The following TRPC5 variants were observed in gnomAD, a reference collection of about 807,000 sequenced individuals.
The protein encoded by TRPC5 is transient receptor potential cation channel subfamily C member 5, also known as short transient receptor potential channel 5.
Under a neutral mutation model 56.5 loss-of-function variants are expected in TRPC5, and 9 were observed. The ratio of observed to expected loss-of-function variants is 0.16; its 90% CI spans 0.10 to 0.28. The LOEUF (loss-of-function observed/expected upper bound fraction) is 0.28, where lower values mean the gene tolerates loss of function less well. Among genes scored for constraint, TRPC5 ranks in the 10% least tolerant of loss-of-function variants. The pLI, the probability that TRPC5 is intolerant of heterozygous loss-of-function variation, is 1.00. For synonymous variants in TRPC5, 282 were observed against 278.5 expected (o/e 1.01, Z -0.13); for missense variants, 469 against 748.9 (o/e 0.63, Z 4.36).
intron 1 of TRPC5, among the ~76,000 whole-genome samples, chrX:112,058,496 C>CAG (rs10690669): frequency 0.14 from 15,998 of 111,437 alleles, 1,535 homozygotes; most frequent in African/African-American, 0.35. Flanking sequence ...CAAGAAATAG[C>CAG]AGAGGAAAGC....
intron 3 of TRPC5, among the ~76,000 whole-genome samples, chrX:111,858,800 C>A (rs1034993830): frequency 9.0e-6 from 1 of 111,680 alleles, no homozygotes; most frequent in East Asian, 2.8e-4. Flanking sequence ...TGTGCCCCAG[C>A]CTTCTTATCT....
intron 3 of TRPC5, among the ~76,000 whole-genome samples, chrX:111,861,468 A>G (rs770100291): frequency 8.9e-6 from 1 of 111,928 alleles, no homozygotes; most frequent in Non-Finnish European, 1.9e-5. Context: ...GTACATTTTT[A>G]TGCCTTCTTA....
chrX:112,043,936 A>T (rs1263554849), intron 1 of TRPC5, among the ~76,000 whole-genome samples: 6 of 110,319 alleles, frequency 5.4e-5, no homozygotes, highest in Non-Finnish European at 1.1e-4. Flanking sequence ...TCTCAGGATA[A>T]GACAAAACTT....
intron 8 of TRPC5, 125 bp from the exon 9 acceptor site, chrX:111,781,331 C>T (rs757492436): frequency 3.9e-5 from 22 of 558,045 alleles, no homozygotes; most frequent in Non-Finnish European, 6.5e-5. Context: ...TCCTGCCTGA[C>T]AAATCCCCAA....
At chrX:111,951,911 T>G in intron 2 of TRPC5, 132 bp downstream of exon 2, 85 of 963,821 alleles carry the variant, frequency 8.8e-5, no homozygotes, top group Non-Finnish European at 1.1e-4. Context: ...GGATGCTACC[T>G]GAGATCACTG....
At chrX:111,872,579 G>T (rs566442850) in intron 3 of TRPC5, among the ~76,000 whole-genome samples, 1 of 111,844 alleles carries the variant, frequency 8.9e-6, no homozygotes, top group East Asian at 2.8e-4. Context: ...ATTGCAGGAG[G>T]TATGGCTTTT....
intron 1 of TRPC5, among the ~76,000 whole-genome samples, chrX:111,962,713 T>A (rs1486089475): frequency 4.4e-5 from 5 of 112,495 alleles, no homozygotes; most frequent in Non-Finnish European, 9.4e-5. Context: ...ATTCCAAAAC[T>A]GAAAGAAGTT....
At chrX:111,779,124 A>C in intron 9 of TRPC5, 50 bp from the exon 10 acceptor site, 4 of 911,294 alleles carry the variant, frequency 4.4e-6, no homozygotes, top group Non-Finnish European at 6.2e-6. Flanking sequence ...TCAGGCTCTC[A>C]GTACAGTAAG....
At chrX:111,880,104 A>G (rs1924141168) in intron 3 of TRPC5, among the ~76,000 whole-genome samples, 2 of 110,872 alleles carry the variant, frequency 1.8e-5, no homozygotes, top group South Asian at 3.8e-4. Context: ...TTTTTTAACC[A>G]CATGGCTATT....
intron 3 of TRPC5, among the ~76,000 whole-genome samples, chrX:111,867,193 A>C (rs1467827691): frequency 8.9e-6 from 1 of 112,088 alleles, no homozygotes; most frequent in Non-Finnish European, 1.9e-5. Context: ...CCAAATCAGG[A>C]GATTGTTTTG....
intron 1 of TRPC5, among the ~76,000 whole-genome samples, chrX:111,999,714 C>T (rs992507543): frequency 1.8e-5 from 2 of 111,814 alleles, no homozygotes; most frequent in African/African-American, 6.5e-5. Flanking sequence ...GCCTGTAATC[C>T]CGGTACTTTG....
intron 2 of TRPC5, among the ~76,000 whole-genome samples, chrX:111,933,168 A>T (rs981039805): frequency 1.8e-5 from 2 of 112,120 alleles, no homozygotes; most frequent in African/African-American, 6.5e-5. Flanking sequence ...TAGCATATGG[A>T]AATAAATCAG....
intron 7 of TRPC5, among the ~76,000 whole-genome samples, chrX:111,825,484 C>T (rs1922205191): frequency 1.8e-5 from 2 of 109,364 alleles, no homozygotes; most frequent in South Asian, 3.9e-4. Flanking sequence ...ACTTGAATTC[C>T]TGGTCTCAAG....
chrX:111,831,720 G>A (rs1922413034), intron 7 of TRPC5, among the ~76,000 whole-genome samples: 1 of 111,705 alleles, frequency 9.0e-6, no homozygotes, highest in African/African-American at 3.3e-5. Flanking sequence ...AGAAACCAAG[G>A]GTTCTTACTA....
At chrX:112,001,905 G>T (rs1039511950) in intron 1 of TRPC5, among the ~76,000 whole-genome samples, 1 of 112,070 alleles carries the variant, frequency 8.9e-6, no homozygotes, top group Admixed American at 9.5e-5. Flanking sequence ...ATGAATCCTT[G>T]ATTTCTTTTC....
At position 111,852,410 on chromosome X, in the gene TRPC5, A is replaced by G; in HGVS notation, c.1265T>C (p.Met422Thr). The change falls in exon 5 of 11, where the codon ATG becomes ACG. Residue 422 changes from methionine (M) to threonine (T), a missense_variant. Coordinates refer to ENST00000262839, the MANE Select transcript of TRPC5 (RefSeq NM_012471.3). ...LGFIWGEIKEMWDGGFTEYIH... is the reference protein window; with the variant it reads ...LGFIWGEIKETWDGGFTEYIH... ...GTATTCAGTAAATCCACCATCCCAC[A>G]TTTCCTTAATCTCACCCCAAATGAA... 8.3e-7 allele frequency: 1 copy of G among 1,209,530 alleles called. No individual in the cohort carries two copies. The highest frequency in any genetic ancestry group is 1.1e-6 in the Non-Finnish European group (1 of 894,560).
intron 7 of TRPC5, among the ~76,000 whole-genome samples, chrX:111,782,483 A>C (rs1945927285): frequency 9.0e-6 from 1 of 111,428 alleles, no homozygotes; most frequent in Non-Finnish European, 1.9e-5. Flanking sequence ...AGATCCATAA[A>C]CATTATAGAT....
At chrX:111,849,950 A>G (rs1923037731) in intron 5 of TRPC5, among the ~76,000 whole-genome samples, 1 of 112,312 alleles carries the variant, frequency 8.9e-6, no homozygotes, top group Admixed American at 9.5e-5. Context: ...GAATGCAGTT[A>G]GAAAATTGGC....
chrX:111,772,835 A>G lies in TRPC5; in HGVS notation c.*3478T>C, dbSNP rs1945851127. Among the ~76,000 whole-genome samples, 2 of 111,119 alleles carry G rather than the reference A, an allele frequency of 1.8e-5. No individual in the cohort carries two copies. Among genetic ancestry groups the G allele is most frequent in the Admixed American group, 9.7e-5 (1 of 10,339 alleles). On this transcript the variant is annotated 3_prime_UTR_variant, in exon 11 of 11. Transcript: ENST00000262839. ...CAAGGTCTGGGGCACTAAAACTATT[A>G]GTCAAAACACCACACGAGATTCACC...
Sources: gnomAD v4.1 joint callset for allele counts (sites outside exome capture counted in the v4.1 genomes callset) on GRCh38, gnomAD v4.1.1 for gene constraint, MANE v1.5 for transcripts, NCBI Gene and HGNC (gene_info 2026-07-23, HGNC 2026-07-21) for gene names.